Variants in CAST observed in about 807,000 individuals in gnomAD.
CAST encodes the protein calpastatin.
Under a neutral mutation model 119.6 loss-of-function variants are expected in CAST, and 76 were observed. The observed-to-expected ratio is 0.64, with a 90% confidence interval of 0.53 to 0.77. The LOEUF (loss-of-function observed/expected upper bound fraction) is 0.77. CAST is among the 30% of genes least tolerant of loss of function. CAST has a pLI of 0.00. For missense variants in CAST, 953 were observed against 946.5 expected (o/e 1.01, Z -0.09); for synonymous variants, 319 against 331.6 (o/e 0.96, Z 0.41).
the CAST span, among the ~76,000 whole-genome samples, chr5:96,477,936 A>C: frequency 6.6e-6 from 1 of 152,230 alleles, no homozygotes; most frequent in Non-Finnish European, 1.5e-5. Context: ...GTGCCATTAA[A>C]AAACACATGC....
chr5:96,677,431 A>T (rs909505540), intron 2 of CAST, among the ~76,000 whole-genome samples: 2 of 152,218 alleles, frequency 1.3e-5, no homozygotes, highest in African/African-American at 4.8e-5. Context: ...TAAGTATATA[A>T]TGTCTGGATT....
the CAST span, among the ~76,000 whole-genome samples, chr5:95,965,953 A>T: frequency 2.0e-5 from 3 of 152,164 alleles, no homozygotes; most frequent in Non-Finnish European, 4.4e-5. Context: ...CATCATCATT[A>T]TTGCTAAATT....
intron 15 of CAST, chr5:96,741,861 G>A (rs957448735): frequency 3.3e-6 from 1 of 304,356 alleles, no homozygotes; most frequent in Non-Finnish European, 6.2e-6. Context: ...CAGAGAAATT[G>A]CACTCTTGGA....
chr5:96,158,277 A>C, the CAST span, among the ~76,000 whole-genome samples: 23 of 152,366 alleles, frequency 1.5e-4, no homozygotes, highest in African/African-American at 5.3e-4. Context: ...AATCCAGGGA[A>C]GACTTACAGC....
chr5:96,571,365 A>G (rs1746562476), intron 1 of CAST, among the ~76,000 whole-genome samples: 1 of 152,158 alleles, frequency 6.6e-6, no homozygotes, highest in Non-Finnish European at 1.5e-5. Flanking sequence ...AAACTGCTCC[A>G]CCCTTCCTCA....
the CAST span, among the ~76,000 whole-genome samples, chr5:96,008,311 C>T: frequency 6.6e-6 from 1 of 152,168 alleles, no homozygotes; most frequent in Non-Finnish European, 1.5e-5. Flanking sequence ...GTTCACTTTT[C>T]CTGTTACTAT....
chr5:96,192,010 AG>A, the CAST span, among the ~76,000 whole-genome samples: 1 of 152,246 alleles, frequency 6.6e-6, no homozygotes, highest in Non-Finnish European at 1.5e-5. Context: ...AAAATGGGAA[AG>A]TGGGTAAAGA....
At chr5:96,369,473 A>G in the CAST span, among the ~76,000 whole-genome samples, 4 of 152,276 alleles carry the variant, frequency 2.6e-5, no homozygotes, top group East Asian at 5.8e-4. Context: ...GTATTTAACT[A>G]TGGAGGACCA....
chr5:96,111,911 T>C, the CAST span, among the ~76,000 whole-genome samples: 1 of 152,090 alleles, frequency 6.6e-6, no homozygotes, highest in Non-Finnish European at 1.5e-5. Flanking sequence ...CCTCCCAAAA[T>C]GCTGGGGTTA....
At chr5:96,007,166 TC>T in the CAST span, among the ~76,000 whole-genome samples, 1 of 152,196 alleles carries the variant, frequency 6.6e-6, no homozygotes, top group Non-Finnish European at 1.5e-5. Context: ...TGCTTGGACT[TC>T]CTGCCTATGG....
intron 3 of CAST, among the ~76,000 whole-genome samples, chr5:96,697,248 T>G (rs549883586): frequency 7.2e-5 from 11 of 152,166 alleles, no homozygotes; most frequent in Non-Finnish European, 1.6e-4. Context: ...ATCTAAAACC[T>G]CAACCTATGT....
At chr5:96,064,881 A>AG in the CAST span, among the ~76,000 whole-genome samples, 1 of 152,174 alleles carries the variant, frequency 6.6e-6, no homozygotes, top group Admixed American at 6.6e-5. Context: ...TATGTGCGTT[A>AG]GTTAAACCAG....
At chr5:96,562,316 T>C (rs1220568261) in intron 1 of CAST, among the ~76,000 whole-genome samples, 1 of 152,012 alleles carries the variant, frequency 6.6e-6, no homozygotes, top group Non-Finnish European at 1.5e-5. Context: ...ACTAATAAAT[T>C]ATCAAAATCA....
At chr5:96,490,868 A>T in the CAST span, among the ~76,000 whole-genome samples, 167 of 152,242 alleles carry the variant, frequency 1.1e-3, 1 homozygote, top group Middle Eastern at 6.8e-3. Flanking sequence ...GGTACCAGAA[A>T]TTTTAAAAAT....
At chr5:96,452,498 A>T in the CAST span, among the ~76,000 whole-genome samples, 1 of 152,032 alleles carries the variant, frequency 6.6e-6, no homozygotes, top group Non-Finnish European at 1.5e-5. Context: ...GTTGCGGGGT[A>T]GGAGGCCAGT....
the CAST span, among the ~76,000 whole-genome samples, chr5:96,482,634 G>A: frequency 6.6e-6 from 1 of 152,048 alleles, no homozygotes. Flanking sequence ...GATGATAACA[G>A]ATCACTACCA....
intron 3 of CAST, among the ~76,000 whole-genome samples, chr5:96,698,681 T>G (rs1407634917): frequency 6.6e-6 from 1 of 152,198 alleles, no homozygotes; most frequent in Non-Finnish European, 1.5e-5. Flanking sequence ...TAGCATAACT[T>G]GAAGCCTTTT....
chr5:96,532,786 G>T (rs1468156115), intron 1 of CAST, among the ~76,000 whole-genome samples: 1 of 152,106 alleles, frequency 6.6e-6, no homozygotes, highest in Non-Finnish European at 1.5e-5. Flanking sequence ...GGAGGCAGAG[G>T]TTGCAGTGAG....
At chr5:95,992,707 T>C in the CAST span, among the ~76,000 whole-genome samples, 130 of 152,320 alleles carry the variant, frequency 8.5e-4, no homozygotes, top group African/African-American at 2.9e-3. Context: ...AATGCCAATG[T>C]TGGTTTCTTA....
Sources: gnomAD v4.1 joint callset for allele counts (sites outside exome capture counted in the v4.1 genomes callset) on GRCh38, gnomAD v4.1.1 for gene constraint, MANE v1.5 for transcripts, NCBI Gene and HGNC (gene_info 2026-07-23, HGNC 2026-07-21) for gene names.